GALK2: variants seen among roughly 807,000 people sequenced by gnomAD.
GALK2 encodes the protein galactokinase 2, also known as N-acetylgalactosamine kinase.
GALK2 carries 36 observed loss-of-function variants against 52.4 expected under a neutral mutation model. The observed-to-expected ratio is 0.69, with a 90% CI of 0.53 to 0.91. The LOEUF is 0.91. Among genes scored for constraint, GALK2 ranks in the 40% least tolerant of loss-of-function variants. The pLI is 0.00. For synonymous variants in GALK2, 176 were observed against 199.1 expected (o/e 0.88, Z 0.98); for missense variants, 579 against 559.1 (o/e 1.04, Z -0.36).
intron 5 of GALK2, among the ~76,000 whole-genome samples, chr15:49,260,676 C>T (rs1236806516): frequency 6.7e-6 from 1 of 150,268 alleles, no homozygotes; most frequent in African/African-American, 2.4e-5. Flanking sequence ...CCTAGGTTTT[C>T]TTCTAGGGTT....
Position 49,329,848 on chromosome 15 carries a change from C to A in GALK2, c.*1689C>A. On this transcript the variant is annotated 3_prime_UTR_variant, in exon 10 of 10. Transcript: ENST00000560031. The stretch of plus-strand genomic sequence containing the variant: ...AGGCACCTGTCATTGTTTTGCTGTT[C>A]CATTTACAATTTTCACCAGGTGATT... The A allele has an allele frequency of 2.6e-6, 2 of 775,538 alleles. No homozygotes were observed. The highest frequency in any genetic ancestry group is 3.1e-6 in the Non-Finnish European group (2 of 641,248). 48.0% of individuals were successfully genotyped at this position (775,538 alleles called of 1,614,324 possible). A position where few individuals can be genotyped will look rare whatever the true frequency, so the allele number is the denominator to read the frequency against.
downstream of GALK2, chr15:49,334,201 C>G: frequency 1.0e-6 from 1 of 967,796 alleles, no homozygotes; most frequent in Non-Finnish European, 1.2e-6. Flanking sequence ...CACTACCAAG[C>G]TGAATAAGAG....
chr15:49,168,418 T>A (rs573648884), upstream of GALK2, among the ~76,000 whole-genome samples: 54 of 152,278 alleles, frequency 3.5e-4, no homozygotes, highest in African/African-American at 1.3e-3. Context: ...TAGAAACATC[T>A]GAATAAAAAA....
Position 49,170,364 on chromosome 15 carries a change from A to G in GALK2, c.42A>G (p.Ala14=), listed in dbSNP as rs1172041388. 1.9e-6 allele frequency: 3 copies of G among 1,591,404 alleles called. No homozygotes were observed. The highest frequency in any genetic ancestry group is 2.3e-5 in the South Asian group (2 of 87,032). Residue 14 remains alanine (A), a synonymous_variant, in exon 1 of 10, where the codon GCA becomes GCG. Transcript: ENST00000560031. ...ESPATRRVQV[A]EHPRLLKLKE... is the part of the protein sequence containing the mutation. The stretch of plus-strand genomic sequence containing the variant: ...CTGCTACGCGTCGGGTCCAGGTGGC[A>G]GAACATCCTAGGTGGGGGAGAGGAG...
At chr15:49,226,911 T>G (rs1443883610) in intron 3 of GALK2, among the ~76,000 whole-genome samples, 1 of 152,224 alleles carries the variant, frequency 6.6e-6, no homozygotes. Flanking sequence ...TTTTTATTAC[T>G]ATCTAATTTT....
At chr15:49,182,947 A>G (rs567425865) in intron 1 of GALK2, among the ~76,000 whole-genome samples, 4 of 152,048 alleles carry the variant, frequency 2.6e-5, no homozygotes, top group African/African-American at 7.2e-5. Context: ...TCTTCACTGC[A>G]TTGATTTTTT....
At chr15:49,264,676 G>A (rs868144032) in intron 5 of GALK2, among the ~76,000 whole-genome samples, 2 of 152,080 alleles carry the variant, frequency 1.3e-5, no homozygotes, top group East Asian at 3.9e-4. Flanking sequence ...CAGTTTTTCT[G>A]TTCTGTTTTT....
intron 3 of GALK2, among the ~76,000 whole-genome samples, chr15:49,228,414 A>G (rs1246978186): frequency 2.0e-5 from 3 of 149,234 alleles, no homozygotes; most frequent in African/African-American, 7.6e-5. Flanking sequence ...ATTCTCTCTT[A>G]TCATTTTTTC....
At chr15:49,258,786 A>ATGTG (rs1347227226) in intron 5 of GALK2, among the ~76,000 whole-genome samples, 3 of 109,710 alleles carry the variant, frequency 2.7e-5, no homozygotes, top group African/African-American at 8.6e-5. Context: ...GCATATATAT[A>ATGTG]TATATATATG....
At chr15:49,166,473 C>T (rs2084827374), upstream of GALK2, among the ~76,000 whole-genome samples, 1 of 152,126 alleles carries the variant, frequency 6.6e-6, no homozygotes, top group Non-Finnish European at 1.5e-5. Flanking sequence ...AATCTCAGCA[C>T]TTTGGGAGGC....
intron 5 of GALK2, among the ~76,000 whole-genome samples, chr15:49,260,870 T>C (rs1299134549): frequency 6.6e-6 from 1 of 152,190 alleles, no homozygotes; most frequent in Non-Finnish European, 1.5e-5. Flanking sequence ...AAATATCAGA[T>C]AGTTGTAGAT....
chr15:49,233,682 A>G (rs988295029), intron 3 of GALK2, among the ~76,000 whole-genome samples: 7 of 152,200 alleles, frequency 4.6e-5, no homozygotes, highest in East Asian at 1.9e-4. Flanking sequence ...GGTGAGCAAC[A>G]TATTTTCAAC....
intron 3 of GALK2, among the ~76,000 whole-genome samples, chr15:49,351,669 T>C (rs7179237): frequency 0.42 from 63,917 of 151,968 alleles, 13,591 homozygotes; most frequent in African/African-American, 0.45. Context: ...TTGGAATCAA[T>C]ACCTGTGGTT....
chr15:49,366,833 C>G (rs2045300233), intron 3 of GALK2: 1 of 543,988 alleles, frequency 1.8e-6, no homozygotes, highest in Non-Finnish European at 3.2e-6. Context: ...GCAGCCCACA[C>G]TCTAATTTAG....
chr15:49,269,053 G>A (rs1239256013), intron 5 of GALK2, among the ~76,000 whole-genome samples: 1 of 152,132 alleles, frequency 6.6e-6, no homozygotes, highest in African/African-American at 2.4e-5. Flanking sequence ...GGTACTTAAG[G>A]AATGAAAATC....
At chr15:49,337,446 T>C (rs1284701129) in intron 3 of GALK2, among the ~76,000 whole-genome samples, 5 of 148,618 alleles carry the variant, frequency 3.4e-5, no homozygotes, top group African/African-American at 1.2e-4. Flanking sequence ...TGACGAGTGA[T>C]GCTAAGCATT....
chr15:49,247,283 G>A (rs2091398053), intron 5 of GALK2, among the ~76,000 whole-genome samples: 1 of 152,142 alleles, frequency 6.6e-6, no homozygotes, highest in African/African-American at 2.4e-5. Context: ...ATGGTGTGTA[G>A]CATCTTCTTT....
intron 9 of GALK2, 143 bp from the exon 10 acceptor site, chr15:49,327,809 G>A: frequency 1.5e-6 from 1 of 678,492 alleles, no homozygotes; most frequent in Non-Finnish European, 2.4e-6. Context: ...ATGTCTTAAT[G>A]TCCTAAAATG....
chr15:49,236,461 G>A (rs1253583531), intron 4 of GALK2, among the ~76,000 whole-genome samples: 1 of 152,004 alleles, frequency 6.6e-6, no homozygotes. Flanking sequence ...TATTGTTATT[G>A]CTACTTCAGA....
Sources: gnomAD v4.1 joint callset for allele counts (sites outside exome capture counted in the v4.1 genomes callset) on GRCh38, gnomAD v4.1.1 for gene constraint, MANE v1.5 for transcripts, NCBI Gene and HGNC (gene_info 2026-07-23, HGNC 2026-07-21) for gene names.